Variants in PKNOX2 observed in about 807,000 individuals in gnomAD.
The protein encoded by PKNOX2 is homeobox protein PKNOX2.
PKNOX2 carries 14 observed loss-of-function variants against 53.1 expected under a neutral mutation model. That is an observed-to-expected ratio of 0.26 (90% CI 0.17 to 0.41). The LOEUF (loss-of-function observed/expected upper bound fraction) is 0.41, where lower values mean the gene tolerates loss of function less well. Among genes scored for constraint, PKNOX2 ranks in the 10% least tolerant of loss-of-function variants. PKNOX2 has a pLI of 1.00. For missense variants in PKNOX2, 496 were observed against 602.8 expected (o/e 0.82, Z 1.85); for synonymous variants, 257 against 242.8 (o/e 1.06, Z -0.54).
At chr11:125,247,820 T>G (rs1193963435) in intron 2 of PKNOX2, among the ~76,000 whole-genome samples, 1 of 152,212 alleles carries the variant, frequency 6.6e-6, no homozygotes, top group Non-Finnish European at 1.5e-5. Flanking sequence ...TGACCCTTAA[T>G]GTATTGCCCC....
intron 2 of PKNOX2, among the ~76,000 whole-genome samples, chr11:125,293,823 T>TCACTCA (rs1459544261): frequency 6.6e-6 from 1 of 151,298 alleles, no homozygotes; most frequent in African/African-American, 2.4e-5. Context: ...TCACACACAC[T>TCACTCA]CACTCACACT....
chr11:125,294,526 C>T (rs1218360794), intron 2 of PKNOX2, among the ~76,000 whole-genome samples: 1 of 152,070 alleles, frequency 6.6e-6, no homozygotes, highest in Non-Finnish European at 1.5e-5. Context: ...GGTTAGGGGA[C>T]AGGGTTGGGT....
At chr11:125,288,664 G>T (rs546311855) in intron 2 of PKNOX2, among the ~76,000 whole-genome samples, 1 of 152,076 alleles carries the variant, frequency 6.6e-6, no homozygotes. Flanking sequence ...CACGTCTCCC[G>T]TAGGAAGCAC....
intron 1 of PKNOX2, among the ~76,000 whole-genome samples, chr11:125,178,629 A>G (rs1368812833): frequency 8.1e-4 from 67 of 83,216 alleles, no homozygotes; most frequent in Middle Eastern, 9.5e-3. Flanking sequence ...AAAGAAAGAA[A>G]GAAAGAAAGA....
At chr11:125,317,864 T>C (rs1443146806) in intron 2 of PKNOX2, among the ~76,000 whole-genome samples, 1 of 152,200 alleles carries the variant, frequency 6.6e-6, no homozygotes, top group Non-Finnish European at 1.5e-5. Flanking sequence ...GACATTGACT[T>C]CTCCTTTCTA....
chr11:125,180,389 G>A, intron 1 of PKNOX2, among the ~76,000 whole-genome samples: 1 of 152,210 alleles, frequency 6.6e-6, no homozygotes, highest in East Asian at 1.9e-4. Context: ...ATGAATGAGT[G>A]AATGAATGGG....
chr11:125,283,120 C>G (rs1423445092), intron 2 of PKNOX2, among the ~76,000 whole-genome samples: 1 of 151,908 alleles, frequency 6.6e-6, no homozygotes, highest in Non-Finnish European at 1.5e-5. Flanking sequence ...CCACTGTACT[C>G]CAGCCTGGGC....
chr11:125,368,698 T>A (rs1383839461), intron 5 of PKNOX2, among the ~76,000 whole-genome samples: 5 of 152,222 alleles, frequency 3.3e-5, no homozygotes, highest in Non-Finnish European at 1.5e-5. Context: ...CATCCAGGGC[T>A]GAGTCTTGAA....
In PKNOX2 at chr11:125,338,057, G is replaced by A. The variant is rs146328061; in HGVS notation, c.-23+6132G>A. ...GCTGAGGCTGGGTTTCAGGTCAGCC[G>A]CAGCAGCTGGCTTCTCACTGTGGAC... On this transcript the variant is annotated intron_variant, in intron 3 of 12. Transcript: ENST00000298282. Among the ~76,000 whole-genome samples, 1,111 of 152,292 alleles carry A rather than the reference G, an allele frequency of 7.3e-3. 15 individuals are homozygous for A. Among genetic ancestry groups the A allele is most frequent in the South Asian group, 0.022 (105 of 4,822 alleles).
At chr11:125,206,618 G>A (rs1355482060) in intron 1 of PKNOX2, among the ~76,000 whole-genome samples, 1 of 152,088 alleles carries the variant, frequency 6.6e-6, no homozygotes, top group Non-Finnish European at 1.5e-5. Context: ...CTACTTGCGA[G>A]CTGGTGATCT....
chr11:125,257,918 CTG>C (rs1944535209), intron 2 of PKNOX2, among the ~76,000 whole-genome samples: 2 of 152,224 alleles, frequency 1.3e-5, no homozygotes, highest in African/African-American at 4.8e-5. Context: ...GCCTTAGTGA[CTG>C]TTAACGGCAG....
intron 2 of PKNOX2, among the ~76,000 whole-genome samples, chr11:125,304,309 G>A (rs986534660): frequency 1.3e-5 from 2 of 152,272 alleles, no homozygotes; most frequent in Admixed American, 1.3e-4. Context: ...ACAGGAAGCT[G>A]GGTGTTATCT....
chr11:125,322,213 A>C (rs767767194), intron 2 of PKNOX2, among the ~76,000 whole-genome samples: 7 of 152,186 alleles, frequency 4.6e-5, no homozygotes, highest in Non-Finnish European at 7.3e-5. Context: ...TATTCAAAAA[A>C]AAACGTATAT....
At chr11:125,217,943 G>A (rs1260483687) in intron 1 of PKNOX2, among the ~76,000 whole-genome samples, 1 of 152,178 alleles carries the variant, frequency 6.6e-6, no homozygotes, top group African/African-American at 2.4e-5. Context: ...TCAACTTTCT[G>A]TTGCACTGGA....
At chr11:125,182,463 TA>T (rs1956208223) in intron 1 of PKNOX2, among the ~76,000 whole-genome samples, 3 of 152,222 alleles carry the variant, frequency 2.0e-5, no homozygotes, top group African/African-American at 7.2e-5. Context: ...ACTATCACCT[TA>T]ACTTTGGCCA....
At chr11:125,333,549 T>TAC (rs57352759) in intron 3 of PKNOX2, among the ~76,000 whole-genome samples, 16,374 of 142,204 alleles carry the variant, frequency 0.12, 1,689 homozygotes, top group African/African-American at 0.28. Context: ...CACACACACA[T>TAC]ACACACACAC....
At chr11:125,246,762 G>T (rs2135642446) in intron 2 of PKNOX2, among the ~76,000 whole-genome samples, 1 of 152,242 alleles carries the variant, frequency 6.6e-6, no homozygotes, top group Middle Eastern at 3.4e-3. Context: ...TGTGCATTTT[G>T]CTTTTTCTTC....
chr11:125,246,645 T>C (rs1383457097), intron 2 of PKNOX2, among the ~76,000 whole-genome samples: 1 of 152,166 alleles, frequency 6.6e-6, no homozygotes, highest in Non-Finnish European at 1.5e-5. Flanking sequence ...TAGCCTTAGT[T>C]TCTCCATCTA....
At chr11:125,210,464 A>C (rs655879) in intron 1 of PKNOX2, among the ~76,000 whole-genome samples, 41,990 of 152,036 alleles carry the variant, frequency 0.28, 6,415 homozygotes, top group South Asian at 0.37. Context: ...ACAAATGTGG[A>C]TGCAGGTGCA....
Sources: gnomAD v4.1 joint callset for allele counts (sites outside exome capture counted in the v4.1 genomes callset) on GRCh38, gnomAD v4.1.1 for gene constraint, MANE v1.5 for transcripts, NCBI Gene and HGNC (gene_info 2026-07-23, HGNC 2026-07-21) for gene names.